SYCP1: variants seen among roughly 807,000 people sequenced by gnomAD.
SYCP1 encodes the protein synaptonemal complex protein 1.
SYCP1 carries 64 observed loss-of-function variants against 153.1 expected under a neutral mutation model. The ratio of observed to expected loss-of-function variants is 0.42; its 90% confidence interval spans 0.34 to 0.51. SYCP1 has a LOEUF of 0.51. Ranked by LOEUF, SYCP1 falls within the 20% of genes least tolerant of loss-of-function variation. SYCP1 has a pLI of 0.06. For synonymous variants in SYCP1, 384 were observed against 341.8 expected (o/e 1.12, Z -1.36); for missense variants, 997 against 1,049.0 (o/e 0.95, Z 0.68).
intron 23 of SYCP1, among the ~76,000 whole-genome samples, chr1:114,939,119 GC>G (rs1376537164): frequency 1.3e-5 from 2 of 152,138 alleles, no homozygotes; most frequent in African/African-American, 4.8e-5. Flanking sequence ...TATGTTCATA[GC>G]AACATTATTC....
chr1:114,989,834 A>G (rs1219340054), intron 30 of SYCP1, among the ~76,000 whole-genome samples: 4 of 151,982 alleles, frequency 2.6e-5, no homozygotes, highest in African/African-American at 7.2e-5. Flanking sequence ...ACGCCTAATA[A>G]CAGACCTTCT....
chr1:114,985,502 A>G (rs867561443), intron 30 of SYCP1, among the ~76,000 whole-genome samples: 1 of 151,950 alleles, frequency 6.6e-6, no homozygotes, highest in Non-Finnish European at 1.5e-5. Flanking sequence ...AAGGTGAACC[A>G]TACCAGAGTA....
chr1:114,893,521 T>G (rs1666867564), intron 15 of SYCP1, among the ~76,000 whole-genome samples: 1 of 152,214 alleles, frequency 6.6e-6, no homozygotes, highest in Non-Finnish European at 1.5e-5. Context: ...ATTTCAGGGA[T>G]CTGGTATCCT....
chr1:114,895,362 T>G (rs1001392830), intron 15 of SYCP1, 86 bp from the exon 16 acceptor site: 1 of 759,326 alleles, frequency 1.3e-6, no homozygotes, highest in Non-Finnish European at 2.0e-6. Context: ...TTTTCCCTTT[T>G]GCGTAGTATT....
intron 15 of SYCP1, among the ~76,000 whole-genome samples, chr1:114,888,239 T>C (rs1666447815): frequency 6.6e-6 from 1 of 152,082 alleles, no homozygotes; most frequent in African/African-American, 2.4e-5. Flanking sequence ...TATTCATAAC[T>C]CTTCATATCT....
At position 114,993,912 on chromosome 1, in the gene SYCP1, A is replaced by G. The variant is rs145011932; in HGVS notation, c.2704-786A>G. Among the ~76,000 whole-genome samples, 253 of 151,212 alleles carry G rather than the reference A, an allele frequency of 1.7e-3. 1 individual carries two copies. Among genetic ancestry groups the G allele is most frequent in the East Asian group, 7.8e-4 (4 of 5,096 alleles). The stretch of plus-strand genomic sequence containing the variant: ...TTTCCCCCAGGCCCTGGCAGTCACC[A>G]TTCTACTTTCTGTCTCTATGATTTT... On this transcript the variant is annotated intron_variant, in intron 30 of 31. Coordinates refer to ENST00000369522, the MANE Select transcript of SYCP1 (RefSeq NM_003176.4).
intron 27 of SYCP1, among the ~76,000 whole-genome samples, chr1:114,973,120 A>G (rs1349877863): frequency 1.1e-4 from 17 of 152,144 alleles, no homozygotes; most frequent in Admixed American, 1.1e-3. Context: ...GTGAAAAGAT[A>G]TAAATATGAT....
intron 6 of SYCP1, 143 bp from the exon 7 acceptor site, chr1:114,859,600 A>T: frequency 2.8e-6 from 1 of 352,328 alleles, no homozygotes. Flanking sequence ...AAGCTATTAC[A>T]AAAATGTTTC....
chr1:114,985,165 G>C (rs928412392), intron 30 of SYCP1, among the ~76,000 whole-genome samples: 4 of 151,682 alleles, frequency 2.6e-5, no homozygotes, highest in Non-Finnish European at 4.4e-5. Context: ...TGTCATAAAG[G>C]AGTTCTTACT....
chr1:114,858,196 G>C (rs1243736382), intron 5 of SYCP1, among the ~76,000 whole-genome samples: 1 of 151,980 alleles, frequency 6.6e-6, no homozygotes, highest in African/African-American at 2.4e-5. Flanking sequence ...CAAACTGTTT[G>C]TATAATCAAA....
At chr1:114,954,769 C>T (rs1031528425) in intron 27 of SYCP1, among the ~76,000 whole-genome samples, 4 of 152,096 alleles carry the variant, frequency 2.6e-5, no homozygotes, top group Admixed American at 6.6e-5. Context: ...GTACTAGAGA[C>T]GGAGTTTCAC....
At position 114,995,120 on chromosome 1, in the gene SYCP1, C is replaced by G. The variant is rs1674197537; in HGVS notation, c.*101C>G. On this transcript the variant is annotated 3_prime_UTR_variant, in exon 32 of 32. Coordinates refer to ENST00000369522, the MANE Select transcript of SYCP1 (RefSeq NM_003176.4). ...GCCAAATTTTATCTGGAAGTTGAGA[C>G]TTAAAAAATACTTGCATGAATGATT... 4 of 1,166,078 alleles carry G rather than the reference C, an allele frequency of 3.4e-6. No homozygotes were observed. Among genetic ancestry groups the G allele is most frequent in the Non-Finnish European group, 3.5e-6 (3 of 859,552 alleles). 72.2% of individuals were successfully genotyped at this position (1,166,078 alleles called of 1,614,324 possible). A position where few individuals can be genotyped will look rare whatever the true frequency, so the allele number is the denominator to read the frequency against.
intron 12 of SYCP1, among the ~76,000 whole-genome samples, chr1:114,882,864 G>A (rs1459491587): frequency 6.6e-6 from 1 of 152,182 alleles, no homozygotes; most frequent in East Asian, 1.9e-4. Flanking sequence ...AAATCTGCCT[G>A]TGAGTTGGTT....
At chr1:114,933,184 C>T (rs1317107402) in intron 23 of SYCP1, among the ~76,000 whole-genome samples, 2 of 152,168 alleles carry the variant, frequency 1.3e-5, no homozygotes, top group African/African-American at 4.8e-5. Flanking sequence ...CTGGGTACCC[C>T]TCTGAGATGA....
intron 27 of SYCP1, among the ~76,000 whole-genome samples, chr1:114,957,870 T>A (rs1284594207): frequency 1.3e-5 from 2 of 152,026 alleles, no homozygotes; most frequent in African/African-American, 4.8e-5. Context: ...TGGAAAACAG[T>A]CTAGAGGTTC....
chr1:114,964,063 A>G (rs571313034), intron 27 of SYCP1, among the ~76,000 whole-genome samples: 11 of 152,316 alleles, frequency 7.2e-5, no homozygotes, highest in African/African-American at 2.6e-4. Flanking sequence ...AATGATTGCC[A>G]TTCTAACTCG....
chr1:114,966,446 G>A (rs1490161604), intron 27 of SYCP1, among the ~76,000 whole-genome samples: 1 of 151,908 alleles, frequency 6.6e-6, no homozygotes, highest in Admixed American at 6.6e-5. Context: ...TAGGGTATTG[G>A]TTTTGGATCT....
intron 15 of SYCP1, among the ~76,000 whole-genome samples, chr1:114,888,204 G>A (rs561954521): frequency 3.3e-5 from 5 of 152,030 alleles, no homozygotes; most frequent in South Asian, 2.1e-4. Flanking sequence ...CATGTAATTC[G>A]ATAATTCTAA....
chr1:114,867,497 C>A (rs775356664), intron 8 of SYCP1, among the ~76,000 whole-genome samples: 34 of 151,970 alleles, frequency 2.2e-4, no homozygotes, highest in Non-Finnish European at 2.1e-4. Context: ...CTAAGTATTT[C>A]ATTTTTTTTG....
Sources: allele counts gnomAD v4.1 joint callset (sites outside exome capture counted in the v4.1 genomes callset), GRCh38; gene constraint gnomAD v4.1.1; transcripts MANE v1.5; gene names NCBI Gene and HGNC (gene_info 2026-07-23, HGNC 2026-07-21).